Variants in TJP1 observed in about 807,000 individuals in gnomAD.
TJP1 encodes the protein tight junction protein 1.
In TJP1, 43 loss-of-function variants were observed where a neutral mutation model predicts 194.2. The observed-to-expected ratio is 0.22, with a 90% CI of 0.17 to 0.29. The LOEUF (loss-of-function observed/expected upper bound fraction) is 0.29, where lower values mean the gene tolerates loss of function less well. Ranked by LOEUF, TJP1 falls within the 10% of genes least tolerant of loss-of-function variation. The pLI is 1.00. For missense variants in TJP1, 1,971 were observed against 2,185.7 expected, an observed-to-expected ratio of 0.90 and a Z score of 1.96; for synonymous variants, 801 against 779.0, an observed-to-expected ratio of 1.03 and a Z score of -0.47.
chr15:29,962,671 A>G (rs1227316504), intron 1 of TJP1, among the ~76,000 whole-genome samples: 2 of 152,226 alleles, frequency 1.3e-5, no homozygotes, highest in Non-Finnish European at 2.9e-5. Context: ...TGGCTTTAAA[A>G]GGATGCTAAA....
Position 29,719,021 on chromosome 15 carries a change from G to T in TJP1, c.3121C>A (p.Pro1041Thr), listed in dbSNP as rs150421959. ...PDKEPNLTYE[P>T]QLPYVEKQAS... ...TGTTTCTCTACGTATGGGAGTTGGG[G>T]TTCATAGGTCAGATTAGGCTCTTTG... Residue 1041 changes from proline to threonine, a missense_variant, in exon 21 of 28, where the codon CCC becomes ACC. Around this residue, in one of 5 missense-constraint regions of TJP1, gnomAD observed 1,108 missense variants for 1,128.5 expected, o/e 0.98. Coordinates refer to ENST00000614355, the MANE Select transcript of TJP1 (RefSeq NM_001330239.4). The T allele has an allele frequency of 9.3e-6, 15 of 1,614,164 alleles. No individual in the cohort carries two copies. The highest frequency in any genetic ancestry group is 1.3e-5 in the Non-Finnish European group (15 of 1,180,028).
At chr15:29,803,925 T>C (rs1355193421) in intron 1 of TJP1, among the ~76,000 whole-genome samples, 2 of 151,978 alleles carry the variant, frequency 1.3e-5, no homozygotes, top group East Asian at 1.9e-4. Flanking sequence ...AAGAAAGTAA[T>C]TGAGAATGAA....
intron 8 of TJP1, among the ~76,000 whole-genome samples, chr15:29,746,980 T>C (rs1471787245): frequency 1.3e-5 from 2 of 151,954 alleles, no homozygotes; most frequent in African/African-American, 4.8e-5. Context: ...TGGAAAAGAT[T>C]GGCCGGTTAA....
chr15:29,737,234 T>C (rs772535458), intron 11 of TJP1, 30 bp downstream of exon 11: 28 of 1,608,626 alleles, frequency 1.7e-5, no homozygotes, highest in Non-Finnish European at 2.4e-5. Flanking sequence ...AAATACTTTT[T>C]AACCCACATA....
intron 8 of TJP1, among the ~76,000 whole-genome samples, chr15:29,743,768 T>C (rs1028859501): frequency 6.6e-6 from 1 of 151,790 alleles, no homozygotes; most frequent in Non-Finnish European, 1.5e-5. Context: ...TCAAGACAAC[T>C]CAAGAGAGAA....
In TJP1 at chr15:29,761,597, T is replaced by G. The variant is rs757846269; in HGVS notation, c.862+4A>C. ...AGGGAACGTTCAAACAGAATCACAC[T>G]CACCGTCTCTCTCAGAGGCATTAGC... On this transcript the variant is annotated splice_donor_region_variant and intron_variant, in intron 7 of 27. Coordinates refer to ENST00000614355, the MANE Select transcript of TJP1 (RefSeq NM_001330239.4). 1.6e-5 allele frequency: 26 copies of G among 1,589,616 alleles called. No homozygotes were observed. The South Asian group carries it at 2.7e-4, about 17-fold the overall frequency.
rs1045101568 is a variant in TJP1, at chr15:29,891,748, T to G, written c.306+64484A>C. On this transcript the variant is annotated intron_variant, in intron 2 of 28. Transcript: ENST00000356107. ...CCCTGCCCATATAAGATGGCAGCCT[T>G]AATCTACAAATGTTGGGTGTGTTCT... is the stretch of plus-strand genomic sequence containing the variant. Among the ~76,000 whole-genome samples, 109 of 152,304 alleles carry G rather than the reference T, an allele frequency of 7.2e-4. 1 individual carries two copies. The highest frequency in any genetic ancestry group is 1.5e-3 in the Non-Finnish European group (105 of 68,028).
At chr15:29,870,712 C>T (rs1456113667) in intron 2 of TJP1, among the ~76,000 whole-genome samples, 1 of 152,150 alleles carries the variant, frequency 6.6e-6, no homozygotes, top group Non-Finnish European at 1.5e-5. Context: ...GAGAACTGTC[C>T]CTGCAGGGAT....
intron 2 of TJP1, among the ~76,000 whole-genome samples, chr15:29,889,698 G>A (rs2053240397): frequency 6.6e-6 from 1 of 152,158 alleles, no homozygotes; most frequent in South Asian, 2.1e-4. Context: ...ACTTTGATAT[G>A]AATGTCATGG....
At chr15:29,965,184 C>CAAAAAAAAAAT (rs1429766304) in intron 1 of TJP1, among the ~76,000 whole-genome samples, 4 of 118,152 alleles carry the variant, frequency 3.4e-5, no homozygotes, top group African/African-American at 1.3e-4. Flanking sequence ...AATACATCCT[C>CAAAAAAAAAAT]ACATTTATTT....
Position 29,734,298 on chromosome 15 carries a change from T to G in TJP1, c.1492A>C (p.Ile498Leu). The G allele has an allele frequency of 6.2e-7, 1 of 1,611,292 alleles. No individual in the cohort carries two copies. The highest frequency in any genetic ancestry group is 1.1e-5 in the South Asian group (1 of 90,272). Reference sequence around the variant, plus strand: ...CCATCCTTCTTCTTCTGAGCCAATATGGTCACTTCTTCTCCTTTAGGGAGG... The same window carrying G: ...CCATCCTTCTTCTTCTGAGCCAATAGGGTCACTTCTTCTCCTTTAGGGAGG... ...LDLPKGEEVT[I>L]LAQKKKDVYR... Residue 498 changes from isoleucine to leucine, a missense_variant, in exon 12 of 28, where the codon ATA becomes CTA. This residue lies in a region of TJP1 where 402 missense variants were observed against 484.2 expected (regional missense o/e 0.83). Coordinates refer to ENST00000614355, the MANE Select transcript of TJP1 (RefSeq NM_001330239.4).
intron 3 of TJP1, 141 bp downstream of exon 3, chr15:29,773,087 GTTAAT>G: frequency 1.0e-6 from 1 of 971,742 alleles, no homozygotes. Context: ...CTTAATATAT[GTTAAT>G]TTAAGGAAAA....
At chr15:29,947,049 C>T (rs914781447) in intron 2 of TJP1, among the ~76,000 whole-genome samples, 1 of 152,202 alleles carries the variant, frequency 6.6e-6, no homozygotes, top group East Asian at 1.9e-4. Flanking sequence ...ATATTACTCA[C>T]TTTCCTGCCT....
intron 22 of TJP1, 86 bp from the exon 23 acceptor site, chr15:29,716,924 A>G: frequency 8.5e-7 from 1 of 1,173,966 alleles, no homozygotes; most frequent in Non-Finnish European, 1.2e-6. Context: ...TATCTTGACT[A>G]AAAGGTCAAT....
chr15:29,846,129 T>C (rs1455836552), intron 2 of TJP1, among the ~76,000 whole-genome samples: 1 of 152,178 alleles, frequency 6.6e-6, no homozygotes, highest in African/African-American at 2.4e-5. Flanking sequence ...ATGCATTCTC[T>C]ACACTGCACT....
chr15:29,749,509 C>G (rs1023091023), intron 8 of TJP1, among the ~76,000 whole-genome samples: 1 of 152,106 alleles, frequency 6.6e-6, no homozygotes, highest in Non-Finnish European at 1.5e-5. Context: ...CCTGGGGAGA[C>G]GCTGTAGGAG....
chr15:29,777,992 GTTAT>G (rs1217587858), intron 2 of TJP1, among the ~76,000 whole-genome samples: 3 of 151,990 alleles, frequency 2.0e-5, no homozygotes, highest in East Asian at 1.9e-4. Flanking sequence ...TTGTTTGGTA[GTTAT>G]TTTATTTTCC....
intron 2 of TJP1, among the ~76,000 whole-genome samples, chr15:29,850,714 G>A (rs1194606190): frequency 1.3e-5 from 2 of 152,012 alleles, no homozygotes; most frequent in Non-Finnish European, 2.9e-5. Flanking sequence ...GGGCACAGTG[G>A]CTCACACCTG....
upstream of TJP1, among the ~76,000 whole-genome samples, chr15:29,826,637 A>C (rs1490087542): frequency 6.6e-6 from 1 of 152,068 alleles, no homozygotes; most frequent in Non-Finnish European, 1.5e-5. Context: ...TGACCCTCTC[A>C]GCTGTGTCCT....
Sources: gnomAD v4.1 joint callset for allele counts (sites outside exome capture counted in the v4.1 genomes callset) on GRCh38, gnomAD v4.1.1 for gene constraint, gnomAD v4.1.1 regional missense constraint, MANE v1.5 for transcripts, NCBI Gene and HGNC (gene_info 2026-07-23, HGNC 2026-07-21) for gene names.